The following NOL4L variants were observed in gnomAD, a reference collection of about 807,000 sequenced individuals.
NOL4L encodes nucleolar protein 4-like.
A neutral mutation model predicts 64.5 loss-of-function variants in NOL4L; 7 were observed. The observed-to-expected ratio is 0.11, with a 90% CI of 0.06 to 0.20. The LOEUF (loss-of-function observed/expected upper bound fraction) is 0.20, where lower values mean the gene tolerates loss of function less well. Among genes scored for constraint, NOL4L ranks in the 10% least tolerant of loss-of-function variants. The probability of loss-of-function intolerance (pLI) is 1.00; values close to 1 mark genes in which losing one functional copy is unlikely to be tolerated. For synonymous variants in NOL4L, 413 were observed against 401.0 expected, an observed-to-expected ratio of 1.03 and a Z score of -0.36; for missense variants, 680 against 967.1, an observed-to-expected ratio of 0.70 and a Z score of 3.94.
Position 32,460,519 on chromosome 20 carries a change from C to T in NOL4L, c.842-4124G>A, listed in dbSNP as rs764888577. 6.6e-6 allele frequency among the ~76,000 whole-genome samples: 1 copy of T among 152,346 alleles called. No homozygotes were observed. Among genetic ancestry groups the T allele is most frequent in the Admixed American group, 6.5e-5 (1 of 15,302 alleles). On this transcript the variant is annotated intron_variant, in intron 5 of 10. Transcript: ENST00000621426. The surrounding 1 kb of genome is among the most constrained non-coding windows in gnomAD (Gnocchi z 5.7). ...TGAGCCGCGGAGTGGCTGGAAGAGG[C>T]TACTCCACCTTCTGGAGCCTCCGTT...
intron 1 of NOL4L, among the ~76,000 whole-genome samples, chr20:32,546,461 A>C (rs1242779024): frequency 6.6e-6 from 1 of 151,330 alleles, no homozygotes. Context: ...TTATTTTTTG[A>C]GATGGAGTTT....
chr20:32,494,338 TCA>T (rs201133594), intron 4 of NOL4L, among the ~76,000 whole-genome samples: 2,180 of 140,402 alleles, frequency 0.016, 14 homozygotes, highest in Middle Eastern at 0.026. Flanking sequence ...AAGCCGAGCC[TCA>T]GTTTCCCTGT....
chr20:32,502,672 A>G (rs980589756), intron 4 of NOL4L, among the ~76,000 whole-genome samples: 2 of 151,764 alleles, frequency 1.3e-5, no homozygotes, highest in African/African-American at 4.8e-5. Context: ...GCACTTTGGG[A>G]AGCCGAGGCG....
At chr20:32,540,500 G>A (rs880113) in intron 1 of NOL4L, among the ~76,000 whole-genome samples, 40,052 of 152,018 alleles carry the variant, frequency 0.26, 10,926 homozygotes, top group African/African-American at 0.7. Flanking sequence ...ACATGTACAC[G>A]GGAATCTTCC....
intron 1 of NOL4L, among the ~76,000 whole-genome samples, chr20:32,578,969 G>A (rs548680922): frequency 3.9e-5 from 6 of 152,302 alleles, no homozygotes; most frequent in East Asian, 1.9e-4. Context: ...TCATGGGGAC[G>A]GGGGTATGGC....
At chr20:32,452,548 A>G (rs1010344742) in intron 9 of NOL4L, 111 bp from the exon 10 acceptor site, 5 of 1,035,352 alleles carry the variant, frequency 4.8e-6, no homozygotes, top group Middle Eastern at 6.5e-4. Context: ...CTGGGACCCA[A>G]TGCTGCGGTT....
intron 4 of NOL4L, among the ~76,000 whole-genome samples, chr20:32,496,869 C>T (rs547868179): frequency 6.6e-6 from 1 of 152,028 alleles, no homozygotes; most frequent in African/African-American, 2.4e-5. Context: ...TTCTTTAAAA[C>T]TACATAATGC....
chr20:32,516,031 G>A (rs2017641052), intron 3 of NOL4L, among the ~76,000 whole-genome samples: 1 of 152,178 alleles, frequency 6.6e-6, no homozygotes, highest in Non-Finnish European at 1.5e-5. Context: ...ATCAACCAAT[G>A]CAAACCTCAA....
At chr20:32,503,292 G>A (rs771098504) in intron 4 of NOL4L, among the ~76,000 whole-genome samples, 4 of 152,194 alleles carry the variant, frequency 2.6e-5, no homozygotes, top group Admixed American at 6.5e-5. Context: ...GGCCTTTCCC[G>A]TGCTCTCATG....
rs1237716614 is a variant in NOL4L, at chr20:32,463,984, C to T, written c.842-7589G>A. Among the ~76,000 whole-genome samples, 13 of 152,114 alleles carry T rather than the reference C, an allele frequency of 8.5e-5. No homozygotes were observed. Among genetic ancestry groups the T allele is most frequent in the South Asian group, 8.3e-4 (4 of 4,822 alleles). On this transcript the variant is annotated intron_variant, in intron 5 of 10. Transcript: ENST00000621426. The surrounding 1 kb of genome is among the most constrained non-coding windows in gnomAD (Gnocchi z 5.8). Reference sequence around the variant, plus strand: ...GAGGTGTGGCTGCTGGAGGCAGTGCCGCCTCCATGAGACTCTGTCACAGCA... The same window carrying T: ...GAGGTGTGGCTGCTGGAGGCAGTGCTGCCTCCATGAGACTCTGTCACAGCA...
At chr20:32,516,539 C>T (rs962409751) in intron 3 of NOL4L, among the ~76,000 whole-genome samples, 5 of 152,230 alleles carry the variant, frequency 3.3e-5, no homozygotes, top group Admixed American at 6.5e-5. Flanking sequence ...ATGGGACTCA[C>T]GAACTATTGC....
Position 32,527,869 on chromosome 20 carries a change from C to G in NOL4L, c.366G>C (p.Arg122=). The G allele has an allele frequency of 2.6e-6, 4 of 1,550,624 alleles. No individual in the cohort carries two copies. The highest frequency in any genetic ancestry group is 3.5e-6 in the Non-Finnish European group (4 of 1,146,984). ...CAAAGAAATCTTCCACCACAGCGACCCGCTTCAGAGAGATGCCCTCTGGCT... is the reference window on the plus strand; with the variant it reads ...CAAAGAAATCTTCCACCACAGCGACGCGCTTCAGAGAGATGCCCTCTGGCT... The part of the protein sequence containing the change: ...LSEPEGISLK[R]VAVVEDFFDI... The change falls in exon 2 of 11, where the codon CGG becomes CGC. Residue 122 remains arginine, a synonymous_variant. Coordinates refer to ENST00000621426, the MANE Select transcript of NOL4L (RefSeq NM_001256798.2).
chr20:32,497,284 TG>T (rs2016732727), intron 4 of NOL4L, among the ~76,000 whole-genome samples: 1 of 136,164 alleles, frequency 7.3e-6, no homozygotes, highest in Non-Finnish European at 1.6e-5. Context: ...TGCTCTTTGC[TG>T]GGGGTGACAG....
At chr20:32,503,651 T>C (rs1369610872) in intron 4 of NOL4L, among the ~76,000 whole-genome samples, 1 of 152,194 alleles carries the variant, frequency 6.6e-6, no homozygotes, top group Non-Finnish European at 1.5e-5. Flanking sequence ...TCCAAGACAG[T>C]AGCAAAATCT....
chr20:32,480,164 C>T lies in NOL4L; in HGVS notation c.700-5422G>A, dbSNP rs146981514. ...GTTCCTGGTGCCTCTGAAGTTGAGC[C>T]ATTTGCATCCTCCAGGACTTGGGAT... On this transcript the variant is annotated intron_variant, in intron 4 of 10. Transcript: ENST00000621426. Among the ~76,000 whole-genome samples, 43 of 152,294 alleles carry T rather than the reference C, an allele frequency of 2.8e-4. 1 individual carries two copies. In the East Asian group the frequency reaches 8.1e-3, roughly 29 times the overall value.
chr20:32,547,941 G>A (rs1164232482), intron 1 of NOL4L, among the ~76,000 whole-genome samples: 1 of 152,122 alleles, frequency 6.6e-6, no homozygotes, highest in Admixed American at 6.5e-5. Flanking sequence ...GCCCACAACT[G>A]GGTGGTTTCA....
chr20:32,511,947 A>G (rs920616007), intron 3 of NOL4L, among the ~76,000 whole-genome samples: 1 of 152,332 alleles, frequency 6.6e-6, no homozygotes, highest in East Asian at 1.9e-4. Context: ...TCAAGGCTGC[A>G]GTCTGCAGTG....
intron 1 of NOL4L, among the ~76,000 whole-genome samples, chr20:32,541,005 CCCTA>C (rs1295267420): frequency 1.9e-4 from 10 of 52,434 alleles, no homozygotes; most frequent in African/African-American, 4.2e-4. Flanking sequence ...CCTCGCCACC[CCCTA>C]CACACACACA....
At chr20:32,555,869 C>T (rs896306869) in intron 1 of NOL4L, among the ~76,000 whole-genome samples, 5 of 152,156 alleles carry the variant, frequency 3.3e-5, no homozygotes, top group African/African-American at 7.2e-5. Context: ...TACTCTGTCA[C>T]GGCAGCCCCA....
Sources: allele counts gnomAD v4.1 joint callset (sites outside exome capture counted in the v4.1 genomes callset), GRCh38; gene constraint gnomAD v4.1.1; non-coding constraint Gnocchi (gnomAD v3.1); transcripts MANE v1.5; gene names NCBI Gene and HGNC (gene_info 2026-07-23, HGNC 2026-07-21).